Variants in L3MBTL3 observed in about 807,000 individuals in gnomAD.
L3MBTL3 encodes lethal(3)malignant brain tumor-like protein 3.
L3MBTL3 carries 27 observed loss-of-function variants against 102.3 expected under a neutral mutation model. That is an observed-to-expected ratio of 0.26 (90% CI 0.19 to 0.36). The LOEUF (loss-of-function observed/expected upper bound fraction) is 0.36, where lower values mean the gene tolerates loss of function less well. Among genes scored for constraint, L3MBTL3 ranks in the 10% least tolerant of loss-of-function variants. The pLI is 1.00. For synonymous variants in L3MBTL3, 340 were observed against 320.9 expected (o/e 1.06, Z -0.64); for missense variants, 798 against 955.3 (o/e 0.84, Z 2.17).
At chr6:130,103,702 A>G (rs1302952112) in intron 18 of L3MBTL3, among the ~76,000 whole-genome samples, 2 of 152,232 alleles carry the variant, frequency 1.3e-5, no homozygotes, top group East Asian at 3.8e-4. Flanking sequence ...AGACCTGGGC[A>G]CAGGAGTATA....
At chr6:130,130,982 A>T (rs1786968991) in intron 20 of L3MBTL3, among the ~76,000 whole-genome samples, 1 of 152,216 alleles carries the variant, frequency 6.6e-6, no homozygotes, top group Admixed American at 6.5e-5. Flanking sequence ...AAAATTTACC[A>T]CTTATAACAG....
At chr6:130,094,441 A>T in intron 18 of L3MBTL3, 74 bp downstream of exon 18, 1 of 854,062 alleles carries the variant, frequency 1.2e-6, no homozygotes, top group Non-Finnish European at 1.8e-6. Flanking sequence ...AATTTCATAT[A>T]TACTAAATTG....
At chr6:130,068,021 C>T (rs575290355) in intron 11 of L3MBTL3, among the ~76,000 whole-genome samples, 2 of 152,274 alleles carry the variant, frequency 1.3e-5, no homozygotes, top group African/African-American at 4.8e-5. Flanking sequence ...ATCTATACCG[C>T]TGAGGAATTC....
At chr6:130,139,500 G>T in intron 22 of L3MBTL3, 110 bp from the exon 23 acceptor site, 1 of 984,730 alleles carries the variant, frequency 1.0e-6, no homozygotes. Context: ...ACTTCTCTGT[G>T]CTTTTTTAGC....
At chr6:130,045,908 T>C (rs1780695672) in intron 3 of L3MBTL3, among the ~76,000 whole-genome samples, 1 of 152,210 alleles carries the variant, frequency 6.6e-6, no homozygotes, top group Non-Finnish European at 1.5e-5. Flanking sequence ...GAAAATATTA[T>C]AGTCATTAAA....
chr6:130,021,326 G>C (rs962831024), intron 1 of L3MBTL3, among the ~76,000 whole-genome samples: 4 of 152,200 alleles, frequency 2.6e-5, no homozygotes, highest in African/African-American at 9.7e-5. Flanking sequence ...TAGAGGACCT[G>C]AGCGAGCAGC....
intron 20 of L3MBTL3, among the ~76,000 whole-genome samples, chr6:130,122,558 T>A (rs1786303382): frequency 6.6e-6 from 1 of 152,240 alleles, no homozygotes; most frequent in Non-Finnish European, 1.5e-5. Context: ...GTCACATTTG[T>A]AGCTTGCTTA....
chr6:130,137,350 A>G (rs989229141), intron 22 of L3MBTL3, among the ~76,000 whole-genome samples: 3 of 152,068 alleles, frequency 2.0e-5, no homozygotes, highest in African/African-American at 7.2e-5. Flanking sequence ...AAGCTAACCG[A>G]AAAAAAAGTA....
At chr6:130,088,702 T>TGTCA (rs1338558590) in intron 16 of L3MBTL3, among the ~76,000 whole-genome samples, 1 of 152,194 alleles carries the variant, frequency 6.6e-6, no homozygotes, top group African/African-American at 2.4e-5. Context: ...AGGCAAAAAC[T>TGTCA]GTCAGCTCTT....
At chr6:130,034,191 G>C (rs903227972) in intron 2 of L3MBTL3, among the ~76,000 whole-genome samples, 1 of 152,132 alleles carries the variant, frequency 6.6e-6, no homozygotes, top group Non-Finnish European at 1.5e-5. Context: ...GTTGTAGGAA[G>C]GAAAGATTAT....
intron 2 of L3MBTL3, among the ~76,000 whole-genome samples, chr6:130,024,873 T>C (rs1377932467): frequency 6.6e-6 from 1 of 152,164 alleles, no homozygotes; most frequent in Non-Finnish European, 1.5e-5. Flanking sequence ...GGATGAGGGC[T>C]CTAGCACTCT....
intron 2 of L3MBTL3, among the ~76,000 whole-genome samples, chr6:130,038,717 G>T (rs1447152954): frequency 2.0e-5 from 3 of 151,982 alleles, no homozygotes; most frequent in Non-Finnish European, 4.4e-5. Flanking sequence ...CACTTTGTAG[G>T]TTTTCTCTTA....
chr6:130,093,201 T>C (rs1784165440), intron 17 of L3MBTL3, among the ~76,000 whole-genome samples: 1 of 152,138 alleles, frequency 6.6e-6, no homozygotes. Flanking sequence ...TATGATAGCT[T>C]TGCAAAACGT....
Position 130,056,171 on chromosome 6 carries a change from G to T in L3MBTL3, c.667+916G>T, listed in dbSNP as rs113426250. 1.6e-3 allele frequency among the ~76,000 whole-genome samples: 238 copies of T among 152,232 alleles called. 3 individuals carry two copies. The highest frequency in any genetic ancestry group is 5.5e-3 in the African/African-American group (229 of 41,532). ...TCGAACTCCTGACCTCAAGCCATCT[G>T]CCCGTGTCTACCTCCCAAAGTGCTG... On this transcript the variant is annotated intron_variant, in intron 8 of 22. Coordinates refer to ENST00000361794, the MANE Select transcript of L3MBTL3 (RefSeq NM_032438.4).
chr6:130,057,607 A>G, intron 9 of L3MBTL3, 110 bp downstream of exon 9: 1 of 913,098 alleles, frequency 1.1e-6, no homozygotes, highest in Non-Finnish European at 1.7e-6. Flanking sequence ...TTTTCTCAGC[A>G]TACAGTTTTC....
chr6:130,104,395 CTTTTTT>C (rs376203297), intron 18 of L3MBTL3, 25 bp from the exon 19 acceptor site: 1 of 1,269,424 alleles, frequency 7.9e-7, no homozygotes, highest in Non-Finnish European at 1.1e-6. Flanking sequence ...GTTCAATGTT[CTTTTTT>C]TTTTCTTTTC....
chr6:130,057,770 C>A (rs1276029820), intron 9 of L3MBTL3, among the ~76,000 whole-genome samples: 1 of 152,060 alleles, frequency 6.6e-6, no homozygotes, highest in African/African-American at 2.4e-5. Context: ...ACAGAGATAC[C>A]AATACTACCA....
Position 130,133,118 on chromosome 6 carries a change from A to G in L3MBTL3, c.1967-334A>G, listed in dbSNP as rs1375021677. ...ATCCAAAGCAGAAAGGGGAGCAAAT[A>G]AACAACTTCCTAGAATAAGACTAAC... On this transcript the variant is annotated intron_variant, in intron 20 of 22. Coordinates refer to ENST00000361794, the MANE Select transcript of L3MBTL3 (RefSeq NM_032438.4). The surrounding 1 kb of genome is among the most constrained non-coding windows in gnomAD (Gnocchi z 4.9). Among the ~76,000 whole-genome samples, 1 of 152,208 alleles carries G rather than the reference A, an allele frequency of 6.6e-6. No individual in the cohort carries two copies. The highest frequency in any genetic ancestry group is 2.4e-5 in the African/African-American group (1 of 41,458).
In L3MBTL3 at chr6:130,065,719, C is replaced by T. The variant is rs1330857663; in HGVS notation, c.865-634C>T. ...GAATCCAGGGCAGGGTATGATCCAA[C>T]TCAGGTCTCGTAAGCCTATATGACC... On this transcript the variant is annotated intron_variant, in intron 10 of 22. Transcript: ENST00000361794. Among the ~76,000 whole-genome samples, 16 of 152,188 alleles carry T rather than the reference C, an allele frequency of 1.1e-4. 1 individual carries two copies.
Sources: allele counts gnomAD v4.1 joint callset (sites outside exome capture counted in the v4.1 genomes callset), GRCh38; gene constraint gnomAD v4.1.1; non-coding constraint Gnocchi (gnomAD v3.1); transcripts MANE v1.5; gene names NCBI Gene and HGNC (gene_info 2026-07-23, HGNC 2026-07-21).